Variants in TYW1B observed in about 807,000 individuals in gnomAD.
TYW1B encodes the protein S-adenosyl-L-methionine-dependent tRNA 4-demethylwyosine synthase TYW1B.
In TYW1B, 73 loss-of-function variants were observed where a neutral mutation model predicts 86.9. The observed-to-expected ratio is 0.84, with a 90% CI of 0.70 to 1.02. The LOEUF is 1.02. TYW1B is among the 50% of genes least tolerant of loss of function. TYW1B has a pLI of 0.00. For missense variants in TYW1B, 637 were observed against 827.4 expected, an observed-to-expected ratio of 0.77 and a Z score of 2.82; for synonymous variants, 248 against 292.8, an observed-to-expected ratio of 0.85 and a Z score of 1.56.
intron 2 of TYW1B, among the ~76,000 whole-genome samples, chr7:72,826,604 T>C (rs1322813425): frequency 6.6e-6 from 1 of 152,210 alleles, no homozygotes; most frequent in East Asian, 1.9e-4. Flanking sequence ...GTTTTTCATA[T>C]AAAAGGTTCA....
chr7:72,630,942 A>G (rs1413290175), intron 11 of TYW1B, among the ~76,000 whole-genome samples: 1 of 152,134 alleles, frequency 6.6e-6, no homozygotes, highest in Non-Finnish European at 1.5e-5. Flanking sequence ...CATTTTGTTA[A>G]AAATCCCGGG....
chr7:72,653,610 A>AAATAATGAT, intron 11 of TYW1B, among the ~76,000 whole-genome samples: 1 of 150,614 alleles, frequency 6.6e-6, no homozygotes, highest in South Asian at 2.1e-4. Context: ...CCGTCTCAAA[A>AAATAATGAT]AATAATAATA....
In TYW1B at chr7:72,632,450, A is replaced by AAT. The variant is rs1200656335; in HGVS notation, c.1507-3455_1507-3454dup. Reference sequence around the variant, plus strand: ...AATATATATATACGTATATATATAAAATATATATATACATATATATATAAA... The same window carrying AAT: ...AATATATATATACGTATATATATAAAATATATATATATACATATATATATAAA... On this transcript the variant is annotated intron_variant, in intron 11 of 13. Coordinates refer to ENST00000620995, the MANE Select transcript of TYW1B (RefSeq NM_001145440.3). 8.1e-5 allele frequency among the ~76,000 whole-genome samples: 7 copies of AAT among 86,290 alleles called. No homozygotes were observed. The East Asian group carries it at 8.6e-4, about 11-fold the overall frequency. 56.6% of individuals were successfully genotyped at this position (86,290 alleles called of 152,430 possible). A position where few individuals can be genotyped will look rare whatever the true frequency, so the allele number is the denominator to read the frequency against.
At chr7:72,604,539 T>A (rs1421030663) in intron 13 of TYW1B, among the ~76,000 whole-genome samples, 1 of 152,156 alleles carries the variant, frequency 6.6e-6, no homozygotes, top group East Asian at 1.9e-4. Flanking sequence ...CCGCAAGCCA[T>A]ATATATCACT....
chr7:72,616,610 G>A, intron 13 of TYW1B, 62 bp downstream of exon 13: 1 of 1,612,506 alleles, frequency 6.2e-7, no homozygotes, highest in Non-Finnish European at 8.5e-7. Flanking sequence ...AATAAAGAGA[G>A]AAGAGAAGGA....
At chr7:72,639,656 G>A (rs1405254225) in intron 11 of TYW1B, among the ~76,000 whole-genome samples, 3 of 152,002 alleles carry the variant, frequency 2.0e-5, no homozygotes, top group African/African-American at 2.4e-5. Flanking sequence ...CTGAGGTCAG[G>A]AGTTCAAGAC....
At chr7:72,777,605 C>T (rs1787979451) in intron 6 of TYW1B, 72 bp from the exon 7 acceptor site, 1 of 1,559,840 alleles carries the variant, frequency 6.4e-7, no homozygotes, top group African/African-American at 1.4e-5. Flanking sequence ...ATCATGAACA[C>T]CTAGCATCAA....
At chr7:72,707,231 G>A (rs782779183) in intron 10 of TYW1B, among the ~76,000 whole-genome samples, 2 of 152,356 alleles carry the variant, frequency 1.3e-5, no homozygotes, top group Non-Finnish European at 2.9e-5. Context: ...AAAGATGCTC[G>A]CGCATTGGGG....
At chr7:72,578,661 T>C (rs1373817533) in intron 13 of TYW1B, among the ~76,000 whole-genome samples, 1 of 152,152 alleles carries the variant, frequency 6.6e-6, no homozygotes, top group Non-Finnish European at 1.5e-5. Context: ...TCATGATCCA[T>C]CCATCAACAT....
At position 72,672,507 on chromosome 7, in the gene TYW1B, C is replaced by CACACACACACA. The variant is rs1813633828; in HGVS notation, c.1506+22179_1506+22180insTGTGTGTGTGT. Among the ~76,000 whole-genome samples, 26 of 150,988 alleles carry CACACACACACA rather than the reference C, an allele frequency of 1.7e-4. 1 individual carries two copies. In the South Asian group the frequency reaches 5.4e-3, roughly 32 times the overall value. On this transcript the variant is annotated intron_variant, in intron 11 of 13. Transcript: ENST00000620995. ...ACACACACACACACACACACACACA[C>CACACACACACA]ACCTGTATACACAGGTATGTAATAT...
intron 2 of TYW1B, 135 bp downstream of exon 2, chr7:72,826,720 A>C (rs1586014872): frequency 8.4e-7 from 1 of 1,184,628 alleles, no homozygotes; most frequent in Admixed American, 3.5e-5. Flanking sequence ...AACTTAGAGA[A>C]GAAATTTATT....
At chr7:72,793,063 G>C (rs1379501959) in intron 6 of TYW1B, among the ~76,000 whole-genome samples, 1 of 152,184 alleles carries the variant, frequency 6.6e-6, no homozygotes, top group Admixed American at 6.5e-5. Context: ...AGGAGGCCAG[G>C]CACGGTGGCT....
intron 13 of TYW1B, among the ~76,000 whole-genome samples, chr7:72,580,713 A>G (rs1431688092): frequency 4.6e-5 from 7 of 152,246 alleles, no homozygotes; most frequent in African/African-American, 1.7e-4. Flanking sequence ...TAAATGTTTA[A>G]AAAGATTCCA....
chr7:72,659,165 C>T (rs1488742036), intron 11 of TYW1B, among the ~76,000 whole-genome samples: 2 of 152,150 alleles, frequency 1.3e-5, no homozygotes, highest in African/African-American at 4.8e-5. Context: ...TGACCTCCCA[C>T]CCCCGGTGTG....
At chr7:72,587,366 C>T (rs567948986) in intron 13 of TYW1B, among the ~76,000 whole-genome samples, 15 of 152,070 alleles carry the variant, frequency 9.9e-5, no homozygotes, top group African/African-American at 2.2e-4. Flanking sequence ...GCCAGCTGTG[C>T]GGGAGACCGG....
chr7:72,811,220 G>A (rs1159992705), intron 3 of TYW1B, among the ~76,000 whole-genome samples: 48 of 146,428 alleles, frequency 3.3e-4, no homozygotes, highest in African/African-American at 8.6e-4. Flanking sequence ...GTAGTGAGCC[G>A]AGATCGCGCC....
At chr7:72,609,682 G>A (rs545330736) in intron 13 of TYW1B, among the ~76,000 whole-genome samples, 1 of 152,174 alleles carries the variant, frequency 6.6e-6, no homozygotes, top group Non-Finnish European at 1.5e-5. Context: ...TCAGGAGCTT[G>A]AAGAAAGGGC....
At chr7:72,794,082 A>G (rs7796889) in intron 6 of TYW1B, among the ~76,000 whole-genome samples, 104,397 of 152,030 alleles carry the variant, frequency 0.69, 36,784 homozygotes, top group Non-Finnish European at 0.77. Context: ...CACTGCTGCT[A>G]GGTAGGAATT....
chr7:72,727,214 G>C (rs548460114), intron 9 of TYW1B, among the ~76,000 whole-genome samples: 1 of 152,162 alleles, frequency 6.6e-6, no homozygotes, highest in Non-Finnish European at 1.5e-5. Flanking sequence ...AGAATCACCT[G>C]ATCTTCAGAA....
Sources: allele counts gnomAD v4.1 joint callset (sites outside exome capture counted in the v4.1 genomes callset), GRCh38; gene constraint gnomAD v4.1.1; transcripts MANE v1.5; gene names NCBI Gene and HGNC (gene_info 2026-07-23, HGNC 2026-07-21).